The following NPAS3 variants were observed in gnomAD, a reference collection of about 807,000 sequenced individuals.
The protein encoded by NPAS3 is neuronal PAS domain protein 3.
NPAS3 carries 14 observed loss-of-function variants against 73.1 expected under a neutral mutation model. The ratio of observed to expected loss-of-function variants is 0.19; its 90% CI spans 0.13 to 0.30. The LOEUF is 0.30. Among genes scored for constraint, NPAS3 ranks in the 10% least tolerant of loss-of-function variants. The pLI, the probability that NPAS3 is intolerant of heterozygous loss-of-function variation, is 1.00. For missense variants in NPAS3, 1,096 were observed against 1,250.0 expected (o/e 0.88, Z 1.86); for synonymous variants, 620 against 541.5 (o/e 1.14, Z -2.01).
chr14:33,004,276 A>G (rs1347933086), intron 1 of NPAS3, among the ~76,000 whole-genome samples: 1 of 152,218 alleles, frequency 6.6e-6, no homozygotes, highest in East Asian at 1.9e-4. Flanking sequence ...ACATTTACAC[A>G]AACCTAGATG....
At chr14:33,330,518 A>C (rs1388496334) in intron 3 of NPAS3, among the ~76,000 whole-genome samples, 1 of 152,236 alleles carries the variant, frequency 6.6e-6, no homozygotes, top group Non-Finnish European at 1.5e-5. Context: ...TGATCTCGTT[A>C]GAGTTCAGTA....
At chr14:33,715,250 TTA>T (rs1255768952) in intron 6 of NPAS3, among the ~76,000 whole-genome samples, 1 of 152,174 alleles carries the variant, frequency 6.6e-6, no homozygotes, top group Non-Finnish European at 1.5e-5. Context: ...ATTCTGATAT[TTA>T]TATGATTTGT....
At chr14:33,611,897 A>T (rs7145066) in intron 5 of NPAS3, among the ~76,000 whole-genome samples, 1 of 152,022 alleles carries the variant, frequency 6.6e-6, no homozygotes, top group Non-Finnish European at 1.5e-5. Context: ...GAGAGGAAAT[A>T]GATTAAAAAT....
intron 2 of NPAS3, among the ~76,000 whole-genome samples, chr14:33,207,889 G>C (rs1036967204): frequency 6.6e-6 from 1 of 152,070 alleles, no homozygotes; most frequent in Non-Finnish European, 1.5e-5. Context: ...CTGTTCTGGC[G>C]GGCTTTTCTG....
chr14:33,069,075 G>C (rs748334938), intron 2 of NPAS3, among the ~76,000 whole-genome samples: 1 of 152,178 alleles, frequency 6.6e-6, no homozygotes, highest in Non-Finnish European at 1.5e-5. Flanking sequence ...ATATGCTTCA[G>C]GGGGCTGAGG....
chr14:32,941,410 C>G (rs1408633286), intron 1 of NPAS3, among the ~76,000 whole-genome samples: 5 of 147,580 alleles, frequency 3.4e-5, no homozygotes, highest in Non-Finnish European at 7.4e-5. Flanking sequence ...ATCTCTCTAG[C>G]AAAGGCCTAT....
At chr14:33,534,217 T>A (rs79623109) in intron 4 of NPAS3, among the ~76,000 whole-genome samples, 13 of 138,388 alleles carry the variant, frequency 9.4e-5, no homozygotes, top group Non-Finnish European at 1.1e-4. Context: ...CACAGAGCAG[T>A]AAAAAAAAAA....
intron 5 of NPAS3, among the ~76,000 whole-genome samples, chr14:33,595,709 C>T (rs764379933): frequency 6.6e-6 from 1 of 152,118 alleles, no homozygotes; most frequent in Non-Finnish European, 1.5e-5. Context: ...CTGGCCCTGT[C>T]GTCCAGGCTG....
intron 3 of NPAS3, among the ~76,000 whole-genome samples, chr14:33,300,543 G>T (rs1235510188): frequency 1.3e-5 from 2 of 152,170 alleles, no homozygotes; most frequent in African/African-American, 4.8e-5. Flanking sequence ...GCAAGTGTGG[G>T]TCTTTGTGCT....
chr14:33,463,644 T>C lies in NPAS3; in HGVS notation c.468+96376T>C, dbSNP rs146281588. Among the ~76,000 whole-genome samples the C allele has an allele frequency of 1.1e-4, 17 of 152,330 alleles. No individual in the cohort carries two copies. The East Asian group carries it at 3.3e-3, about 29-fold the overall frequency. ...TTCTGAAACATTCATGCATCATTGGTATTATTTTACAAATGGATAAACTGA... is the reference window on the plus strand; with the variant it reads ...TTCTGAAACATTCATGCATCATTGGCATTATTTTACAAATGGATAAACTGA... On this transcript the variant is annotated intron_variant, in intron 4 of 11. Coordinates refer to ENST00000356141, the Ensembl canonical transcript of NPAS3.
At chr14:33,506,820 A>T (rs966297469) in intron 4 of NPAS3, among the ~76,000 whole-genome samples, 4 of 152,010 alleles carry the variant, frequency 2.6e-5, no homozygotes, top group African/African-American at 7.2e-5. Flanking sequence ...CTAATTCCCC[A>T]CACTTGAAGT....
intron 7 of NPAS3, among the ~76,000 whole-genome samples, chr14:33,771,530 G>A (rs1292606901): frequency 6.6e-6 from 1 of 152,152 alleles, no homozygotes; most frequent in Non-Finnish European, 1.5e-5. Flanking sequence ...GGCATCTGGT[G>A]GCTGGGCGCT....
intron 1 of NPAS3, among the ~76,000 whole-genome samples, chr14:32,970,439 T>G (rs2037370556): frequency 6.6e-6 from 1 of 152,166 alleles, no homozygotes; most frequent in Admixed American, 6.5e-5. Context: ...CTTCTACTTT[T>G]TATTGCTAAT....
chr14:33,474,903 A>G (rs576109642), intron 4 of NPAS3, among the ~76,000 whole-genome samples: 1 of 152,338 alleles, frequency 6.6e-6, no homozygotes, highest in East Asian at 1.9e-4. Flanking sequence ...GTGCATTTAA[A>G]CTGTCAACAA....
intron 1 of NPAS3, among the ~76,000 whole-genome samples, chr14:32,963,535 G>A (rs946328818): frequency 6.6e-6 from 1 of 152,106 alleles, no homozygotes; most frequent in African/African-American, 2.4e-5. Context: ...GCCGAGGAGG[G>A]TAGATCGCAA....
chr14:33,484,553 C>T (rs2051488645), intron 4 of NPAS3, among the ~76,000 whole-genome samples: 1 of 152,156 alleles, frequency 6.6e-6, no homozygotes, highest in African/African-American at 2.4e-5. Context: ...CATAGTGGTT[C>T]CTCACACCGA....
chr14:33,381,307 G>C (rs1281796058), intron 4 of NPAS3, among the ~76,000 whole-genome samples: 3 of 152,150 alleles, frequency 2.0e-5, no homozygotes, highest in African/African-American at 7.2e-5. Flanking sequence ...TAAATATAAA[G>C]TACCCAGGCC....
chr14:33,540,475 G>T (rs2054461242), intron 4 of NPAS3, among the ~76,000 whole-genome samples: 1 of 152,110 alleles, frequency 6.6e-6, no homozygotes, highest in Non-Finnish European at 1.5e-5. Context: ...AAACAACATT[G>T]TTCCTTCATA....
chr14:33,012,047 G>A (rs2039221812), intron 1 of NPAS3, among the ~76,000 whole-genome samples: 1 of 150,210 alleles, frequency 6.7e-6, no homozygotes, highest in African/African-American at 2.5e-5. Flanking sequence ...GATGGAAGTG[G>A]TGCTGCTCAG....
Sources: allele counts gnomAD v4.1 joint callset (sites outside exome capture counted in the v4.1 genomes callset), GRCh38; gene constraint gnomAD v4.1.1; transcripts MANE v1.5; gene names NCBI Gene and HGNC (gene_info 2026-07-23, HGNC 2026-07-21).